KCNG2: variants seen among roughly 807,000 people sequenced by gnomAD.
KCNG2 encodes the protein voltage-gated potassium channel regulatory subunit KCNG2.
A neutral mutation model predicts 12.3 loss-of-function variants in KCNG2; 7 were observed. That is an observed-to-expected ratio of 0.57 (90% CI 0.32 to 1.07). KCNG2 has a LOEUF of 1.07. KCNG2 is among the 50% of genes least tolerant of loss of function. KCNG2 has a pLI of 0.04. For synonymous variants in KCNG2, 414 were observed against 351.4 expected, an observed-to-expected ratio of 1.18 and a Z score of -1.99; for missense variants, 703 against 726.0, an observed-to-expected ratio of 0.97 and a Z score of 0.36.
At chr18:79,847,258 C>T (rs1298091527) in intron 1 of KCNG2, among the ~76,000 whole-genome samples, 4 of 152,204 alleles carry the variant, frequency 2.6e-5, no homozygotes, top group East Asian at 1.9e-4. Context: ...GGGGCTTCTC[C>T]GTCTGGAACT....
Position 79,863,815 on chromosome 18 carries a change from C to A in KCNG2, c.148C>A (p.Arg50Ser), listed in dbSNP as rs772834204. ...LARLERLRAC[R>S]GHDDLLRVCD... is the part of the protein sequence containing the mutation. ...GCGCCTGGAGCGCCTGCGCGCCTGC[C>A]GCGGCCACGACGACCTGCTGCGCGT... Residue 50 changes from arginine (R) to serine (S), a missense_variant, in exon 3 of 4, where the codon CGC becomes AGC. Coordinates refer to ENST00000316249, the MANE Select transcript of KCNG2 (RefSeq NM_012283.2). 4 of 1,353,576 alleles carry A rather than the reference C, an allele frequency of 3.0e-6. No individual in the cohort carries two copies. The African/African-American group carries it at 6.2e-5, about 21-fold the overall frequency. 83.8% of individuals were successfully genotyped at this position (1,353,576 alleles called of 1,614,324 possible).
chr18:79,841,665 T>C (rs1419330397), intron 1 of KCNG2, among the ~76,000 whole-genome samples: 1 of 152,214 alleles, frequency 6.6e-6, no homozygotes, highest in African/African-American at 2.4e-5. Context: ...TGTCACTAGC[T>C]ATTAAGAACA....
chr18:79,811,628 A>T (rs2087494772), intron 1 of KCNG2, among the ~76,000 whole-genome samples: 1 of 152,234 alleles, frequency 6.6e-6, no homozygotes, highest in African/African-American at 2.4e-5. Context: ...ACAGACACCA[A>T]CATCAAGCTG....
intron 1 of KCNG2, among the ~76,000 whole-genome samples, chr18:79,846,522 C>G (rs562516601): frequency 6.0e-4 from 91 of 151,932 alleles, no homozygotes; most frequent in Admixed American, 2.2e-3. Flanking sequence ...GCTAATATTA[C>G]TCATCTTTAG....
intron 1 of KCNG2, among the ~76,000 whole-genome samples, chr18:79,839,230 G>C (rs1417812732): frequency 6.6e-6 from 1 of 152,174 alleles, no homozygotes; most frequent in Non-Finnish European, 1.5e-5. Flanking sequence ...CCAGGTCAAG[G>C]CTGCAGTGAG....
chr18:79,861,503 TC>T (rs1979221074), intron 2 of KCNG2, among the ~76,000 whole-genome samples: 1 of 152,126 alleles, frequency 6.6e-6, no homozygotes, highest in South Asian at 2.1e-4. Context: ...GGTCTCAAAC[TC>T]CTGACCTCAG....
rs1568277191 is a variant in KCNG2, at chr18:79,899,685, A to T, written c.1270A>T (p.Ser424Cys). ...ELKEQQQRAA[S>C]PEPALQEDST... is the part of the protein sequence containing the mutation. ...CAAGGAGCAGCAGCAGCGCGCGGCCAGCCCCGAGCCGGCCCTGCAGGAGGA... is the reference window on the plus strand; with the variant it reads ...CAAGGAGCAGCAGCAGCGCGCGGCCTGCCCCGAGCCGGCCCTGCAGGAGGA... Residue 424 changes from serine (S) to cysteine (C), a missense_variant, in exon 4 of 4, where the codon AGC (serine) becomes TGC (cysteine). Transcript: ENST00000316249. The T allele has an allele frequency of 3.1e-6, 5 of 1,607,548 alleles. No homozygotes were observed. The highest frequency in any genetic ancestry group is 8.5e-7 in the Non-Finnish European group (1 of 1,178,108).
chr18:79,829,791 G>A (rs1599377547), intron 1 of KCNG2, among the ~76,000 whole-genome samples: 2 of 152,222 alleles, frequency 1.3e-5, no homozygotes, highest in Non-Finnish European at 1.5e-5. Flanking sequence ...AGCCTGGTTG[G>A]CCTTAAGACA....
chr18:79,841,297 A>G (rs1978452874), intron 1 of KCNG2, among the ~76,000 whole-genome samples: 1 of 151,958 alleles, frequency 6.6e-6, no homozygotes, highest in Admixed American at 6.6e-5. Flanking sequence ...CCTATCTCAT[A>G]ATAAATAAAT....
At chr18:79,827,445 C>T (rs191380122) in intron 1 of KCNG2, among the ~76,000 whole-genome samples, 54 of 152,324 alleles carry the variant, frequency 3.5e-4, no homozygotes, top group African/African-American at 1.2e-3. Flanking sequence ...GGTTTCGGCC[C>T]CACCAGTGGG....
chr18:79,833,663 G>A (rs187683588), intron 1 of KCNG2, among the ~76,000 whole-genome samples: 112 of 152,314 alleles, frequency 7.4e-4, no homozygotes, highest in Non-Finnish European at 1.1e-3. Flanking sequence ...TCATTTCCAC[G>A]GATAAACAAG....
At chr18:79,873,955 C>T (rs4799098) in intron 3 of KCNG2, among the ~76,000 whole-genome samples, 120,715 of 152,264 alleles carry the variant, frequency 0.79, 52,149 homozygotes, top group Non-Finnish European at 0.95. Context: ...AGACACGTTT[C>T]GGGCCACTTC....
chr18:79,852,977 G>A (rs1033087709), intron 1 of KCNG2, among the ~76,000 whole-genome samples: 3 of 152,234 alleles, frequency 2.0e-5, no homozygotes, highest in East Asian at 1.9e-4. Context: ...CACTCCCACC[G>A]TGGGGCAGGC....
chr18:79,863,570 C>A, intron 2 of KCNG2, 58 bp from the exon 3 acceptor site: 1 of 1,122,336 alleles, frequency 8.9e-7, no homozygotes, highest in Non-Finnish European at 1.1e-6. Context: ...TCCCCGCGGG[C>A]GGACGCGCTC....
intron 1 of KCNG2, among the ~76,000 whole-genome samples, chr18:79,837,298 C>T (rs1020225709): frequency 9.2e-5 from 14 of 152,228 alleles, no homozygotes; most frequent in African/African-American, 3.4e-4. Flanking sequence ...GGCAGCTCTG[C>T]CCCTGTGGCT....
intron 1 of KCNG2, among the ~76,000 whole-genome samples, chr18:79,849,096 C>T (rs544709450): frequency 6.6e-6 from 1 of 152,256 alleles, no homozygotes; most frequent in African/African-American, 2.4e-5. Flanking sequence ...CCGCTCTGCA[C>T]GCCAGGCCCC....
At chr18:79,848,098 C>G (rs1599389491) in intron 1 of KCNG2, among the ~76,000 whole-genome samples, 1 of 152,236 alleles carries the variant, frequency 6.6e-6, no homozygotes, top group African/African-American at 2.4e-5. Context: ...GAGCTTCTCC[C>G]GGTGAAGGCA....
intron 1 of KCNG2, among the ~76,000 whole-genome samples, chr18:79,856,060 A>G (rs774203417): frequency 6.6e-6 from 1 of 152,262 alleles, no homozygotes; most frequent in Non-Finnish European, 1.5e-5. Flanking sequence ...TCAAGTAATT[A>G]GCTTTAGAAC....
At chr18:79,896,762 G>A (rs1278965012) in intron 3 of KCNG2, among the ~76,000 whole-genome samples, 2 of 152,174 alleles carry the variant, frequency 1.3e-5, no homozygotes, top group Non-Finnish European at 2.9e-5. Flanking sequence ...TGTGAGGCAG[G>A]TCTGCTAGCA....
Sources: gnomAD v4.1 joint callset for allele counts (sites outside exome capture counted in the v4.1 genomes callset) on GRCh38, gnomAD v4.1.1 for gene constraint, MANE v1.5 for transcripts, NCBI Gene and HGNC (gene_info 2026-07-23, HGNC 2026-07-21) for gene names.